ANK2: variants seen among roughly 807,000 people sequenced by gnomAD.
The protein encoded by ANK2 is ankyrin 2, also known as ankyrin-2.
Under a neutral mutation model 360.5 loss-of-function variants are expected in ANK2, and 83 were observed. That is an observed-to-expected ratio of 0.23 (90% CI 0.19 to 0.28). The LOEUF (loss-of-function observed/expected upper bound fraction) is 0.28, where lower values mean the gene tolerates loss of function less well. Among genes scored for constraint, ANK2 ranks in the 10% least tolerant of loss-of-function variants. ANK2 has a pLI of 1.00. For synonymous variants in ANK2, 1,740 were observed against 1,759.5 expected, an observed-to-expected ratio of 0.99 and a Z score of 0.28; for missense variants, 4,201 against 4,795.7, an observed-to-expected ratio of 0.88 and a Z score of 3.66.
chr4:113,095,084 GAAC>G (rs2090414910), intron 1 of ANK2, among the ~76,000 whole-genome samples: 1 of 152,174 alleles, frequency 6.6e-6, no homozygotes. Context: ...TGGTGAAATA[GAAC>G]ATTAGATCTT....
intron 26 of ANK2, among the ~76,000 whole-genome samples, chr4:113,328,964 A>G (rs544589838): frequency 5.9e-5 from 9 of 152,308 alleles, no homozygotes; most frequent in Admixed American, 5.9e-4. Context: ...TGGAGGCAAT[A>G]TCTAGGTGGG....
At chr4:113,319,194 T>G (rs958999978) in intron 26 of ANK2, among the ~76,000 whole-genome samples, 1 of 152,168 alleles carries the variant, frequency 6.6e-6, no homozygotes, top group Non-Finnish European at 1.5e-5. Context: ...TACACACCAC[T>G]GTTGAAGCAA....
Position 112,973,714 on chromosome 4 carries a change from A to G in ANK2, c.21+69200A>G, listed in dbSNP as rs117131623. ...TGCAGATGCAAGGCCACTTCTAGCT[A>G]TTGTTTCTTCAGTCCAAATGGTCAT... On this transcript the variant is annotated intron_variant, in intron 2 of 30. Coordinates refer to the ANK2 transcript ENST00000503271. Among the ~76,000 whole-genome samples the G allele has an allele frequency of 6.1e-3, 932 of 152,268 alleles. 15 individuals carry two copies. Among genetic ancestry groups the G allele is most frequent in the African/African-American group, 0.021 (884 of 41,556 alleles).
intron 16 of ANK2, 142 bp downstream of exon 16, chr4:113,278,077 T>G: frequency 1.2e-6 from 1 of 849,510 alleles, no homozygotes; most frequent in South Asian, 1.5e-5. Context: ...TGGCGATGTC[T>G]TCCATGACCG....
chr4:112,771,393 C>T, the ANK2 span, among the ~76,000 whole-genome samples: 1 of 152,176 alleles, frequency 6.6e-6, no homozygotes, highest in South Asian at 2.1e-4. Flanking sequence ...GCTGGGATTA[C>T]AGGCGTGAGC....
At chr4:113,067,557 C>A (rs138033249) in intron 1 of ANK2, among the ~76,000 whole-genome samples, 212 of 152,234 alleles carry the variant, frequency 1.4e-3, no homozygotes, top group African/African-American at 4.8e-3. Flanking sequence ...TTTTAGGAAC[C>A]ATCAGCATGG....
At chr4:112,719,502 G>C in the ANK2 span, among the ~76,000 whole-genome samples, 2 of 152,076 alleles carry the variant, frequency 1.3e-5, no homozygotes, top group African/African-American at 4.8e-5. Flanking sequence ...GCCGAGGTGG[G>C]TGGATCACGA....
chr4:113,297,385 T>C (rs2072263571), intron 22 of ANK2, among the ~76,000 whole-genome samples: 1 of 152,190 alleles, frequency 6.6e-6, no homozygotes, highest in Admixed American at 6.5e-5. Flanking sequence ...CTCAATTACA[T>C]CTAATTGGGT....
At chr4:112,926,014 TC>T (rs1301104242) in intron 2 of ANK2, among the ~76,000 whole-genome samples, 6 of 152,344 alleles carry the variant, frequency 3.9e-5, no homozygotes, top group Admixed American at 3.9e-4. Context: ...CAACAGTGTG[TC>T]CCATCTTGGG....
chr4:112,738,947 A>T, the ANK2 span: 2 of 718,944 alleles, frequency 2.8e-6, no homozygotes, highest in Non-Finnish European at 4.9e-6. Flanking sequence ...GGTCCAGAAC[A>T]TCAAGGAGCT....
chr4:112,760,229 C>T, the ANK2 span, among the ~76,000 whole-genome samples: 39 of 149,438 alleles, frequency 2.6e-4, 1 homozygote, highest in African/African-American at 8.9e-4. Flanking sequence ...CTCTGTTGTC[C>T]GGGCTGGAGT....
At chr4:113,019,870 T>C (rs1434356891) in intron 2 of ANK2, among the ~76,000 whole-genome samples, 2 of 152,120 alleles carry the variant, frequency 1.3e-5, no homozygotes, top group Non-Finnish European at 2.9e-5. Context: ...TTTTTTTTTT[T>C]TAAACCTAGG....
intron 23 of ANK2, among the ~76,000 whole-genome samples, chr4:113,303,100 A>T (rs1563575363): frequency 6.6e-6 from 1 of 152,226 alleles, no homozygotes; most frequent in Non-Finnish European, 1.5e-5. Context: ...TGACTGGAAA[A>T]GGGGAAAAAC....
chr4:113,325,018 A>G (rs1361785811), intron 26 of ANK2, among the ~76,000 whole-genome samples: 6 of 152,228 alleles, frequency 3.9e-5, no homozygotes, highest in Non-Finnish European at 7.3e-5. Flanking sequence ...AGTCATCTGC[A>G]TAATAATGGT....
chr4:113,345,769 G>T, intron 34 of ANK2, 131 bp from the exon 35 acceptor site: 9 of 1,272,654 alleles, frequency 7.1e-6, no homozygotes, highest in Non-Finnish European at 1.0e-5. Flanking sequence ...TAGGAAAAGA[G>T]AAAGGAAATC....
chr4:112,856,770 T>G (rs2066524805), intron 1 of ANK2, among the ~76,000 whole-genome samples: 1 of 152,208 alleles, frequency 6.6e-6, no homozygotes, highest in Non-Finnish European at 1.5e-5. Context: ...CTCAGATACT[T>G]GCTAGAATGG....
chr4:113,045,826 C>T (rs2064185899), upstream of ANK2, among the ~76,000 whole-genome samples: 1 of 152,038 alleles, frequency 6.6e-6, no homozygotes, highest in Non-Finnish European at 1.5e-5. Flanking sequence ...TCAGAAAGTA[C>T]ATAAAGGGAA....
chr4:112,924,985 C>T (rs1167938876), intron 2 of ANK2, among the ~76,000 whole-genome samples: 1 of 151,870 alleles, frequency 6.6e-6, no homozygotes, highest in Non-Finnish European at 1.5e-5. Flanking sequence ...ACTACAGGTG[C>T]CTGCCACCAC....
chr4:112,878,175 T>TATCTATCTATCTATCTATC (rs1384464625), intron 1 of ANK2, among the ~76,000 whole-genome samples: 3 of 152,056 alleles, frequency 2.0e-5, no homozygotes, highest in African/African-American at 7.3e-5. Context: ...TCTATCTATC[T>TATCTATCTATCTATCTATC]ATCTATCTCC....
Sources: allele counts gnomAD v4.1 joint callset (sites outside exome capture counted in the v4.1 genomes callset), GRCh38; gene constraint gnomAD v4.1.1; transcripts MANE v1.5; gene names NCBI Gene and HGNC (gene_info 2026-07-23, HGNC 2026-07-21).